JAG2: variants seen among roughly 807,000 people sequenced by gnomAD.
JAG2 encodes the protein jagged canonical Notch ligand 2, also known as protein jagged-2.
JAG2 carries 46 observed loss-of-function variants against 141.7 expected under a neutral mutation model. The ratio of observed to expected loss-of-function variants is 0.32; its 90% CI spans 0.26 to 0.42. The LOEUF (loss-of-function observed/expected upper bound fraction) is 0.42. Among genes scored for constraint, JAG2 ranks in the 10% least tolerant of loss-of-function variants. JAG2 has a pLI of 1.00. For missense variants in JAG2, 1,500 were observed against 1,817.5 expected, an observed-to-expected ratio of 0.83 and a Z score of 3.18; for synonymous variants, 862 against 763.5, an observed-to-expected ratio of 1.13 and a Z score of -2.13.
At position 105,142,522 on chromosome 14, in the gene JAG2, T is replaced by G; in HGVS notation, c.*173A>C. The G allele has an allele frequency of 3.3e-6, 2 of 602,468 alleles. No individual in the cohort carries two copies. Among genetic ancestry groups the G allele is most frequent in the South Asian group, 2.1e-5 (1 of 48,250 alleles). 37.3% of individuals were successfully genotyped at this position (602,468 alleles called of 1,614,324 possible). A position where few individuals can be genotyped will look rare whatever the true frequency, so the allele number is the denominator to read the frequency against. On this transcript the variant is annotated 3_prime_UTR_variant, in exon 26 of 26. Coordinates refer to ENST00000331782, the MANE Select transcript of JAG2 (RefSeq NM_002226.5). ...CCATTGTTTTCAGCCTGACAGTTAC[T>G]GAATAATTTATACAAGGTTAAAGAA...
At chr14:105,157,920 C>G (rs1888627148) in intron 2 of JAG2, 157 bp from the exon 3 acceptor site, 11 of 726,556 alleles carry the variant, frequency 1.5e-5, no homozygotes, top group Non-Finnish European at 7.3e-6. Context: ...CATCCTCAGG[C>G]CACATCCTCT....
Position 105,146,489 on chromosome 14 carries a change from C to G in JAG2, c.2605G>C (p.Gly869Arg). Residue 869 changes from glycine (G) to arginine (R), a missense_variant, in exon 22 of 26, where the codon GGG (glycine) becomes CGG (arginine). Physicochemically the swap from Gly to Arg is moderately radical, Grantham distance 125. This residue lies in a region of JAG2 where 875 missense variants were observed against 1,202.2 expected (regional missense o/e 0.73). Coordinates refer to ENST00000331782, the MANE Select transcript of JAG2 (RefSeq NM_002226.5). ...GTGCCCCGGGACCAGCAGGATCTCC[C>G]GAACCCGATCACTGTGGGGAGAAGG... ...GPRCQEVIGFGRSCWSRGTPF... is the reference protein window; with the variant it reads ...GPRCQEVIGFRRSCWSRGTPF... The G allele has an allele frequency of 6.2e-7, 1 of 1,612,702 alleles. No homozygotes were observed. The highest frequency in any genetic ancestry group is 1.1e-5 in the South Asian group (1 of 91,084).
At chr14:105,148,297 C>T (rs747424296) in intron 16 of JAG2, 29 bp downstream of exon 16, 2 of 1,598,028 alleles carry the variant, frequency 1.3e-6, no homozygotes, top group East Asian at 4.5e-5. Context: ...GGGGGCAGCC[C>T]CAGGCGGCCA....
rs144184481 is a variant in JAG2, at chr14:105,147,887, G to A, written c.2250C>T (p.Ala750=). Residue 750 remains alanine (A), a splice_region_variant and synonymous_variant, in exon 18 of 26, where the codon GCC becomes GCT. Coordinates refer to ENST00000331782, the MANE Select transcript of JAG2 (RefSeq NM_002226.5). The part of the protein sequence containing the change: ...PGWKGSTCAV[A]KNSSCLPNPC... The stretch of plus-strand genomic sequence containing the variant: ...GGTTGGGCAGGCAGCTGCTGTTCTT[G>A]GCTGTAAGGAGAGGAGGAGGAGGGA... The A allele has an allele frequency of 6.4e-7, 1 of 1,550,748 alleles. No individual in the cohort carries two copies. The highest frequency in any genetic ancestry group is 2.4e-5 in the East Asian group (1 of 41,136).
chr14:105,154,176 G>A lies in JAG2; in HGVS notation c.788+1386C>T, dbSNP rs754287000. On this transcript the variant is annotated intron_variant, in intron 5 of 25. Coordinates refer to ENST00000331782, the MANE Select transcript of JAG2 (RefSeq NM_002226.5). The surrounding 1 kb of genome is among the most constrained non-coding windows in gnomAD (Gnocchi z 4.4). ...AACTCAGCTGGTTCCCAAACTCCCC[G>A]ACTCCTCTCCAAAACGCCACGCTGT... is the stretch of plus-strand genomic sequence containing the variant. 1.9e-4 allele frequency among the ~76,000 whole-genome samples: 29 copies of A among 152,200 alleles called. No individual in the cohort carries two copies. Among genetic ancestry groups the A allele is most frequent in the Middle Eastern group, 3.4e-3 (1 of 294 alleles).
chr14:105,148,585 TG>T, intron 15 of JAG2, 146 bp from the exon 16 acceptor site: 2 of 868,638 alleles, frequency 2.3e-6, no homozygotes, highest in Non-Finnish European at 3.6e-6. Context: ...GCCTCGGGCA[TG>T]GGGGCAGCCT....
Position 105,148,818 on chromosome 14 carries a change from GC to G in JAG2, c.1946del (p.Gly649AlafsTer113). 1 of 1,598,916 alleles carries G rather than the reference GC, an allele frequency of 6.3e-7. No homozygotes were observed. Among genetic ancestry groups the G allele is most frequent in the Non-Finnish European group, 8.5e-7 (1 of 1,173,440 alleles). On this transcript the variant is annotated frameshift_variant, in exon 15 of 26. Transcript: ENST00000331782. LOFTEE classifies it high-confidence loss of function. Reference protein sequence around the residue: ...DCLGQPCRNGGTCIDEVDAFR... With the variant: ...DCLGQPCRNGXTCIDEVDAFR... ...AGGCGTCCACCTCATCGATGCATGT[GC>G]CCCCATTGCGGCAGGGCTGGCCCAG...
intron 2 of JAG2, among the ~76,000 whole-genome samples, chr14:105,161,914 G>GCCT (rs1888760897): frequency 1.3e-5 from 2 of 151,718 alleles, no homozygotes; most frequent in Admixed American, 6.6e-5. Context: ...TGTCCTTCCT[G>GCCT]CCTGGCGGGC....
chr14:105,149,201 G>T lies in JAG2; in HGVS notation c.1722C>A (p.Pro574=), dbSNP rs758382331. The change falls in exon 13 of 26, where the codon CCC becomes CCA. Residue 574 remains proline (P), a synonymous_variant. Coordinates refer to ENST00000331782, the MANE Select transcript of JAG2 (RefSeq NM_002226.5). The part of the protein sequence containing the change: ...DDFGGKNCSV[P]REPCPGGACR... ...AGGCCCCGCCAGGGCACGGCTCGCGGGGCACGGAGCAGTTCTTGCCACCAA... is the reference window on the plus strand; with the variant it reads ...AGGCCCCGCCAGGGCACGGCTCGCGTGGCACGGAGCAGTTCTTGCCACCAA... The T allele has an allele frequency of 3.7e-6, 6 of 1,611,634 alleles. No homozygotes were observed. Among genetic ancestry groups the T allele is most frequent in the Non-Finnish European group, 5.1e-6 (6 of 1,179,758 alleles).
At chr14:105,153,249 G>A (rs1053442063) in intron 5 of JAG2, among the ~76,000 whole-genome samples, 3 of 152,188 alleles carry the variant, frequency 2.0e-5, no homozygotes, top group Non-Finnish European at 4.4e-5. Flanking sequence ...AGCCAGCACC[G>A]AAGGCCTATC....
In JAG2 at chr14:105,152,021, T is replaced by C. The variant is rs2140980834; in HGVS notation, c.956A>G (p.Asn319Ser). ...NYCGSHHPCT[N>S]GGTCINAEPD... is the part of the protein sequence containing the mutation. Reference sequence around the variant, plus strand: ...CTCGGCGTTGATGCACGTGCCTCCGTTGGTGCAGGGGTGGTGGCTGCCACA... The same window carrying C: ...CTCGGCGTTGATGCACGTGCCTCCGCTGGTGCAGGGGTGGTGGCTGCCACA... The change falls in exon 7 of 26, where the codon AAC (asparagine) becomes AGC (serine). Residue 319 changes from asparagine to serine, a missense_variant. Asn to Ser is a conservative substitution (Grantham distance 46). Around this residue, in one of 3 missense-constraint regions of JAG2, gnomAD observed 875 missense variants for 1,202.2 expected, o/e 0.73. Coordinates refer to ENST00000331782, the MANE Select transcript of JAG2 (RefSeq NM_002226.5). 1 of 1,613,374 alleles carries C rather than the reference T, an allele frequency of 6.2e-7. No homozygotes were observed. Among genetic ancestry groups the C allele is most frequent in the Non-Finnish European group, 8.5e-7 (1 of 1,179,952 alleles).
intron 2 of JAG2, among the ~76,000 whole-genome samples, chr14:105,161,061 G>T (rs933982031): frequency 6.6e-6 from 1 of 152,102 alleles, no homozygotes; most frequent in African/African-American, 2.4e-5. Context: ...GAGGCTAAGC[G>T]AAGTGGGTGA....
intron 24 of JAG2, among the ~76,000 whole-genome samples, chr14:105,143,908 G>GGGGGAA (rs1266172215): frequency 6.6e-6 from 1 of 150,948 alleles, no homozygotes; most frequent in Non-Finnish European, 1.5e-5. Flanking sequence ...GCGAGCAGTG[G>GGGGGAA]GGGGAAGGGG....
At chr14:105,157,204 G>A (rs920851035) in intron 3 of JAG2, among the ~76,000 whole-genome samples, 1 of 152,130 alleles carries the variant, frequency 6.6e-6, no homozygotes, top group African/African-American at 2.4e-5. Flanking sequence ...TCCATGATCT[G>A]AGCCCAGCCC....
intron 1 of JAG2, 27 bp from the exon 2 acceptor site, chr14:105,168,134 A>G: frequency 6.7e-7 from 1 of 1,483,058 alleles, no homozygotes; most frequent in Non-Finnish European, 8.9e-7. Flanking sequence ...GGGAGAGCGG[A>G]GGGAGGCGCG....
Position 105,167,262 on chromosome 14 carries a change from G to A in JAG2, c.417+495C>T, listed in dbSNP as rs1287727840. The stretch of plus-strand genomic sequence containing the variant: ...GCTTCTGCCGACATAAGCGTTAGGC[G>A]TTAGGCTCTCCCGGGCCTAGGTCCC... On this transcript the variant is annotated intron_variant, in intron 2 of 25. Coordinates refer to ENST00000331782, the MANE Select transcript of JAG2 (RefSeq NM_002226.5). The surrounding 1 kb of genome is among the most constrained non-coding windows in gnomAD (Gnocchi z 4.8). Among the ~76,000 whole-genome samples the A allele has an allele frequency of 6.6e-6, 1 of 152,210 alleles. No individual in the cohort carries two copies. Among genetic ancestry groups the A allele is most frequent in the Non-Finnish European group, 1.5e-5 (1 of 68,036 alleles).
chr14:105,168,144 G>A (rs749053520), intron 1 of JAG2, 37 bp from the exon 2 acceptor site: 10 of 1,453,972 alleles, frequency 6.9e-6, no homozygotes, highest in Non-Finnish European at 2.7e-6. Context: ...AGGGAGGCGC[G>A]GGCCGGGGTC....
rs1888299579 is a variant in JAG2, at chr14:105,148,443, G to A, written c.2021-4C>T. 1.2e-6 allele frequency: 2 copies of A among 1,609,300 alleles called. No individual in the cohort carries two copies. Among genetic ancestry groups the A allele is most frequent in the Admixed American group, 1.7e-5 (1 of 59,900 alleles). ...TCGGGAAGGCAGTCGTTGGGATCTG[G>A]GGGCGAGGACGCCGGTCAGCGGGCG... On this transcript the variant is annotated splice_region_variant and splice_polypyrimidine_tract_variant and intron_variant, in intron 15 of 25. Coordinates refer to ENST00000331782, the MANE Select transcript of JAG2 (RefSeq NM_002226.5).
chr14:105,153,842 A>T (rs1055437920), intron 5 of JAG2, among the ~76,000 whole-genome samples: 2 of 152,198 alleles, frequency 1.3e-5, no homozygotes, highest in African/African-American at 4.8e-5. Flanking sequence ...GCAGCCATCC[A>T]GGGAGGGTGG....
Sources: gnomAD v4.1 joint callset for allele counts (sites outside exome capture counted in the v4.1 genomes callset) on GRCh38, gnomAD v4.1.1 for gene constraint, gnomAD v4.1.1 regional missense constraint, Gnocchi (gnomAD v3.1) non-coding constraint, MANE v1.5 for transcripts, NCBI Gene and HGNC (gene_info 2026-07-23, HGNC 2026-07-21) for gene names.